LZIC: variants seen among roughly 807,000 people sequenced by gnomAD.
LZIC encodes the protein protein LZIC.
Under a neutral mutation model 25.4 loss-of-function variants are expected in LZIC, and 28 were observed. That is an observed-to-expected ratio of 1.10 (90% confidence interval 0.82 to 1.51). LZIC has a LOEUF of 1.51. LZIC is among the 40% of genes most tolerant of loss of function. The pLI is 0.00. For missense variants in LZIC, 170 were observed against 211.1 expected, an observed-to-expected ratio of 0.81 and a Z score of 1.21; for synonymous variants, 65 against 70.7, an observed-to-expected ratio of 0.92 and a Z score of 0.40.
chr1:9,935,128 T>C (rs573533824), intron 4 of LZIC, among the ~76,000 whole-genome samples: 25 of 150,404 alleles, frequency 1.7e-4, no homozygotes, highest in African/African-American at 5.9e-4. Flanking sequence ...AGACCCCATC[T>C]CTAAAAAAAA....
At position 9,936,480 on chromosome 1, in the gene LZIC, G is replaced by A. The variant is rs370696767; in HGVS notation, c.101+39C>T. 4.7e-5 allele frequency: 68 copies of A among 1,431,890 alleles called. No individual in the cohort carries two copies. In the Middle Eastern group the frequency reaches 1.0e-3, roughly 22 times the overall value. 88.7% of individuals were successfully genotyped at this position (1,431,890 alleles called of 1,614,324 possible). ...CCACGGAGCTAGCTGCAGAAAAAAC[G>A]CCAGTTTCCAGCATAACAACATACA... On this transcript the variant is annotated intron_variant, in intron 3 of 7. Coordinates refer to ENST00000377223, the MANE Select transcript of LZIC (RefSeq NM_032368.5).
chr1:9,937,265 C>T (rs916876752), intron 2 of LZIC, among the ~76,000 whole-genome samples: 14 of 152,000 alleles, frequency 9.2e-5, no homozygotes, highest in African/African-American at 2.9e-4. Flanking sequence ...TGGTGGCAGG[C>T]GCCTGTAGTC....
intron 2 of LZIC, among the ~76,000 whole-genome samples, chr1:9,937,392 CAAA>C (rs1314354000): frequency 2.8e-5 from 2 of 72,032 alleles, no homozygotes; most frequent in Admixed American, 1.7e-4. Flanking sequence ...GACTCAGGCT[CAAA>C]AAAAAAAAAA....
At chr1:9,943,126 C>T (rs1485604164) in intron 1 of LZIC, 123 bp downstream of exon 1, 1 of 174,182 alleles carries the variant, frequency 5.7e-6, no homozygotes, top group Non-Finnish European at 1.3e-5. Context: ...GCAGCAAATC[C>T]CACCCCACGC....
At chr1:9,925,322 A>G (rs1639955322), downstream of LZIC, among the ~76,000 whole-genome samples, 1 of 152,162 alleles carries the variant, frequency 6.6e-6, no homozygotes, top group Non-Finnish European at 1.5e-5. Context: ...TCAAAAACAA[A>G]CAAGCAAACA....
At position 9,935,637 on chromosome 1, in the gene LZIC, G is replaced by A; in HGVS notation, c.102-10C>T. 1 of 1,590,230 alleles carries A rather than the reference G, an allele frequency of 6.3e-7. No homozygotes were observed. Among genetic ancestry groups the A allele is most frequent in the Non-Finnish European group, 8.5e-7 (1 of 1,173,322 alleles). On this transcript the variant is annotated splice_polypyrimidine_tract_variant and intron_variant, in intron 3 of 7. Transcript: ENST00000377223. ...TGTATCAAGTTCCTCTCTGAAATAGGTGAACATCATGATATGGAAAAATGA... is the reference window on the plus strand; with the variant it reads ...TGTATCAAGTTCCTCTCTGAAATAGATGAACATCATGATATGGAAAAATGA...
At chr1:9,924,753 T>C (rs1053820053), downstream of LZIC, among the ~76,000 whole-genome samples, 4 of 152,066 alleles carry the variant, frequency 2.6e-5, no homozygotes, top group Admixed American at 6.6e-5. Flanking sequence ...AGGAATAATG[T>C]TGGGGAAAAA....
In LZIC at chr1:9,930,079, A is replaced by G. The variant is rs926786146; in HGVS notation, c.*320T>C. The G allele has an allele frequency of 5.5e-6, 6 of 1,083,874 alleles. No homozygotes were observed. The East Asian group carries it at 3.6e-4, about 65-fold the overall frequency. The allele number at this position is 1,083,874 out of a possible 1,614,324, so 67.1% of individuals were successfully genotyped here. ...ATTACTTCACATCTTTTCGTTCACT[A>G]TCAACACTTAAAAACAAACAGCCTT... On this transcript the variant is annotated 3_prime_UTR_variant, in exon 8 of 8. Transcript: ENST00000377223.
chr1:9,942,506 T>G (rs1409532853), intron 2 of LZIC, 118 bp downstream of exon 2: 2 of 340,138 alleles, frequency 5.9e-6, no homozygotes, highest in Non-Finnish European at 1.1e-5. Context: ...CCCCGAAAGA[T>G]TAACTCGTTG....
chr1:9,935,673 G>C (rs758567611), intron 3 of LZIC, 46 bp from the exon 4 acceptor site: 1 of 1,531,060 alleles, frequency 6.5e-7, no homozygotes, highest in Non-Finnish European at 8.8e-7. Flanking sequence ...AGAGTTCCAA[G>C]TGAAAAATGC....
chr1:9,928,746 C>T lies in LZIC; in HGVS notation c.*1653G>A, dbSNP rs1177034685. On this transcript the variant is annotated 3_prime_UTR_variant, in exon 8 of 8. Transcript: ENST00000377223. ...CAAAAATTAGCTGGGCGTGGTGGTA[C>T]ACACTAGTAATCCCAGCTACTTGGG... Among the ~76,000 whole-genome samples the T allele has an allele frequency of 6.6e-6, 1 of 151,168 alleles. No individual in the cohort carries two copies. Among genetic ancestry groups the T allele is most frequent in the Admixed American group, 6.6e-5 (1 of 15,112 alleles).
rs5772391 is a variant in LZIC at position 9,936,128 on chromosome 1, CAA to C, written c.101+389_101+390del. On this transcript the variant is annotated intron_variant, in intron 3 of 7. Coordinates refer to ENST00000377223, the MANE Select transcript of LZIC (RefSeq NM_032368.5). Reference sequence around the variant, plus strand: ...TGGGCAATACAGCAAGACTCTGTCTCAAAAAAAAAAAAAAAAGCTGCAATGAA... The same window carrying C: ...TGGGCAATACAGCAAGACTCTGTCTCAAAAAAAAAAAAAAGCTGCAATGAA... 2.8e-3 allele frequency among the ~76,000 whole-genome samples: 374 copies of C among 131,934 alleles called. 1 individual carries two copies. The highest frequency in any genetic ancestry group is 3.7e-3 in the Middle Eastern group (1 of 270). 86.6% of individuals were successfully genotyped at this position (131,934 alleles called of 152,430 possible). A position where few individuals can be genotyped will look rare whatever the true frequency, so the allele number is the denominator to read the frequency against.
intron 2 of LZIC, among the ~76,000 whole-genome samples, chr1:9,937,645 G>GA (rs1640518447): frequency 6.6e-6 from 1 of 151,672 alleles, no homozygotes; most frequent in African/African-American, 2.4e-5. Context: ...CCAGGAGTTC[G>GA]AGACCAGCCT....
chr1:9,923,166 C>T (rs1295837631), downstream of LZIC, among the ~76,000 whole-genome samples: 1 of 152,176 alleles, frequency 6.6e-6, no homozygotes, highest in East Asian at 1.9e-4. Context: ...TTTCAAATAG[C>T]AAGACCATGA....
chr1:9,936,461 A>G, intron 3 of LZIC, 58 bp downstream of exon 3: 1 of 1,048,646 alleles, frequency 9.5e-7, no homozygotes, highest in Non-Finnish European at 1.5e-6. Context: ...GCATCCACGG[A>G]GCTAGCTGCA....
chr1:9,928,041 G>A lies in LZIC; in HGVS notation c.*2358C>T, dbSNP rs1640050247. Among the ~76,000 whole-genome samples, 1 of 152,092 alleles carries A rather than the reference G, an allele frequency of 6.6e-6. No homozygotes were observed. Among genetic ancestry groups the A allele is most frequent in the South Asian group, 2.1e-4 (1 of 4,832 alleles). ...GGTGTGGTGGCTCAGGCCGGGTATGGTGGCTCATGCCTGTAATCATCCCAG... is the reference window on the plus strand; with the variant it reads ...GGTGTGGTGGCTCAGGCCGGGTATGATGGCTCATGCCTGTAATCATCCCAG... On this transcript the variant is annotated 3_prime_UTR_variant, in exon 8 of 8. Coordinates refer to ENST00000377223, the MANE Select transcript of LZIC (RefSeq NM_032368.5).
chr1:9,939,542 C>CTTTT (rs34837155), intron 2 of LZIC, among the ~76,000 whole-genome samples: 6,338 of 81,416 alleles, frequency 0.078, 33 homozygotes, highest in Admixed American at 0.11. Flanking sequence ...CCACATCTGC[C>CTTTT]TTTTTTTTTT....
chr1:9,940,735 TTAC>T (rs1165292393), intron 2 of LZIC, among the ~76,000 whole-genome samples: 4 of 152,184 alleles, frequency 2.6e-5, no homozygotes, highest in Non-Finnish European at 5.9e-5. Flanking sequence ...TGACAAAAAA[TTAC>T]TACCTAATCT....
At chr1:9,933,773 GTGT>G (rs1055741576) in intron 5 of LZIC, among the ~76,000 whole-genome samples, 16 of 151,932 alleles carry the variant, frequency 1.1e-4, no homozygotes, top group African/African-American at 2.9e-4. Context: ...GGGTGTGGTG[GTGT>G]TGTGCCTGTG....
Sources: allele counts gnomAD v4.1 joint callset (sites outside exome capture counted in the v4.1 genomes callset), GRCh38; gene constraint gnomAD v4.1.1; transcripts MANE v1.5; gene names NCBI Gene and HGNC (gene_info 2026-07-23, HGNC 2026-07-21).